The following SH3BP2 variants were observed in gnomAD, a reference collection of about 807,000 sequenced individuals.
SH3BP2 encodes SH3 domain-binding protein 2.
Under a neutral mutation model 56.2 loss-of-function variants are expected in SH3BP2, and 38 were observed. That is an observed-to-expected ratio of 0.68 (90% CI 0.52 to 0.89). The LOEUF is 0.89. Ranked by LOEUF, SH3BP2 falls within the 40% of genes least tolerant of loss-of-function variation. The pLI, the probability that SH3BP2 is intolerant of heterozygous loss-of-function variation, is 0.00. For synonymous variants in SH3BP2, 346 were observed against 316.7 expected (o/e 1.09, Z -0.98); for missense variants, 748 against 762.6 (o/e 0.98, Z 0.23).
At chr4:2,802,294 T>C (rs984672763) in intron 1 of SH3BP2, among the ~76,000 whole-genome samples, 10 of 151,920 alleles carry the variant, frequency 6.6e-5, no homozygotes, top group African/African-American at 2.4e-4. Context: ...TATAGGAGGC[T>C]GAGGCAGGAG....
chr4:2,826,268 T>C (rs889856009), intron 5 of SH3BP2: 2 of 130,648 alleles, frequency 1.5e-5, no homozygotes, highest in African/African-American at 2.6e-5. Flanking sequence ...CGCGTGTTGC[T>C]CTGTGTGTGT....
chr4:2,818,453 C>T, intron 1 of SH3BP2: 1 of 928,570 alleles, frequency 1.1e-6, no homozygotes, highest in Non-Finnish European at 1.4e-6. Flanking sequence ...GGCTCTGGAC[C>T]CCGCACCCCG....
At position 2,838,520 on chromosome 4, in the gene SH3BP2, T is replaced by C. The variant is rs955060148; in HGVS notation, c.*4686T>C. On this transcript the variant is annotated 3_prime_UTR_variant, in exon 13 of 13. Transcript: ENST00000503393. ...TTCCATTGTTTGGCTGTATCGTAGT[T>C]CACAGATTCATTTCACTGTCAGTCA... 1 of 152,244 alleles carries C rather than the reference T, an allele frequency of 6.6e-6. No homozygotes were observed. The highest frequency in any genetic ancestry group is 2.4e-5 in the African/African-American group (1 of 41,462). 9.4% of individuals were successfully genotyped at this position (152,244 alleles called of 1,614,324 possible). A position where few individuals can be genotyped will look rare whatever the true frequency, so the allele number is the denominator to read the frequency against.
chr4:2,801,319 C>T (rs546255938), intron 1 of SH3BP2, among the ~76,000 whole-genome samples: 48 of 152,312 alleles, frequency 3.2e-4, no homozygotes, highest in African/African-American at 1.1e-3. Flanking sequence ...CAGGAGCCAG[C>T]GGGCATGAGT....
chr4:2,826,604 CTGTGTT>C (rs1340611522), intron 5 of SH3BP2: 8 of 285,018 alleles, frequency 2.8e-5, no homozygotes, highest in South Asian at 8.0e-5. Context: ...GTGTGTTGCT[CTGTGTT>C]TGTGTGTGCA....
At chr4:2,795,992 C>G (rs1321680449) in intron 1 of SH3BP2, among the ~76,000 whole-genome samples, 1 of 152,118 alleles carries the variant, frequency 6.6e-6, no homozygotes, top group Non-Finnish European at 1.5e-5. Context: ...CACTGGCTGG[C>G]CCCCTTCCCT....
intron 2 of SH3BP2, among the ~76,000 whole-genome samples, chr4:2,821,831 C>A (rs1484543764): frequency 6.6e-6 from 1 of 152,130 alleles, no homozygotes; most frequent in African/African-American, 2.4e-5. Context: ...AGGTGTGAGC[C>A]ACCGCATCCA....
At chr4:2,818,127 G>GCGGGGC (rs1724084977) in intron 1 of SH3BP2, 1 of 729,258 alleles carries the variant, frequency 1.4e-6, no homozygotes, top group African/African-American at 1.9e-5. Context: ...GCGGCAGGGG[G>GCGGGGC]CGGGGCCGGG....
chr4:2,822,301 G>A (rs569669589), intron 2 of SH3BP2, among the ~76,000 whole-genome samples: 3 of 152,212 alleles, frequency 2.0e-5, no homozygotes, highest in Non-Finnish European at 4.4e-5. Context: ...AACTACAGAT[G>A]TATGCCACCG....
Position 2,833,795 on chromosome 4 carries a change from G to A in SH3BP2, c.1647G>A (p.Leu549=), listed in dbSNP as rs547700606. 6.3e-6 allele frequency: 10 copies of A among 1,593,086 alleles called. No individual in the cohort carries two copies. In the African/African-American group the frequency reaches 1.1e-4, roughly 17 times the overall value. ...HTHVLPSHQS[L]LLRHPYGYTG... ...ACGTGCTGCCCAGCCACCAGAGCCT[G>A]CTGCTGCGGCACCCCTACGGCTACA... The change falls in exon 13 of 13, where the codon CTG becomes CTA. Residue 549 remains leucine (L), a synonymous_variant. Transcript: ENST00000503393.
intron 1 of SH3BP2, chr4:2,812,262 G>C (rs1723779091): frequency 3.9e-6 from 6 of 1,537,518 alleles, no homozygotes; most frequent in Middle Eastern, 2.2e-4. Flanking sequence ...GTCCCGGGTG[G>C]GGAGGAAGCA....
At chr4:2,827,795 C>A in intron 7 of SH3BP2, 121 bp downstream of exon 7, 1 of 796,074 alleles carries the variant, frequency 1.3e-6, no homozygotes, top group Admixed American at 2.0e-5. Context: ...GTGGCTTCCG[C>A]TTCCCTGCTG....
chr4:2,804,335 G>C (rs1723442954), intron 1 of SH3BP2, among the ~76,000 whole-genome samples: 1 of 152,204 alleles, frequency 6.6e-6, no homozygotes, highest in Admixed American at 6.5e-5. Flanking sequence ...CTGGAGCTCT[G>C]CTTCTTTGCC....
At chr4:2,833,085 G>A (rs752875059) in intron 12 of SH3BP2, 36 bp downstream of exon 12, 65 of 1,589,166 alleles carry the variant, frequency 4.1e-5, no homozygotes, top group Middle Eastern at 3.3e-4. Context: ...GACCCTGGCC[G>A]CATGGCCTGG....
At position 2,831,527 on chromosome 4, in the gene SH3BP2, TCTGACAGTG is replaced by T. The variant is rs767025884; in HGVS notation, c.1242-43_1242-35del. 6.8e-6 allele frequency: 10 copies of T among 1,467,738 alleles called. No individual in the cohort carries two copies. The highest frequency in any genetic ancestry group is 9.3e-6 in the Non-Finnish European group (10 of 1,070,494). 90.9% of individuals were successfully genotyped at this position (1,467,738 alleles called of 1,614,324 possible). On this transcript the variant is annotated intron_variant, in intron 8 of 12. Transcript: ENST00000503393. This position sits in a 1 kb window ranked among gnomAD's most constrained non-coding sequence, Gnocchi z 4.1. Reference sequence around the variant, plus strand: ...GGGAGCAGAGGGTGGCCGCCCCGTGTCTGACAGTGAAATGGTCCTGCCTTCCTCTCCCTG... The same window carrying T: ...GGGAGCAGAGGGTGGCCGCCCCGTGTAAATGGTCCTGCCTTCCTCTCCCTG...
At position 2,829,921 on chromosome 4, in the gene SH3BP2, C is replaced by T; in HGVS notation, c.1015C>T (p.Leu339=). The T allele has an allele frequency of 6.2e-7, 1 of 1,613,788 alleles. No homozygotes were observed. Among genetic ancestry groups the T allele is most frequent in the South Asian group, 1.1e-5 (1 of 91,088 alleles). ...CTGTGACAAACTCAAGTCCTTCCACCTGTCCCCCCGAGGACCACCCACATC... is the reference window on the plus strand; with the variant it reads ...CTGTGACAAACTCAAGTCCTTCCACTTGTCCCCCCGAGGACCACCCACATC... ...RNCDKLKSFH[L]SPRGPPTSEP... The change falls in exon 8 of 13, where the codon CTG becomes TTG. Residue 339 remains leucine, a synonymous_variant. Coordinates refer to ENST00000503393, the MANE Select transcript of SH3BP2 (RefSeq NM_001122681.2). The surrounding 1 kb of genome is among the most constrained non-coding windows in gnomAD (Gnocchi z 4.9).
At chr4:2,832,093 C>T (rs763818532) in intron 10 of SH3BP2, 115 bp downstream of exon 10, 124 of 1,168,970 alleles carry the variant, frequency 1.1e-4, no homozygotes, top group East Asian at 1.2e-4. Flanking sequence ...CATGGCCCTG[C>T]GTGCAGCAGA....
At chr4:2,827,738 G>A (rs1724753640) in intron 7 of SH3BP2, 64 bp downstream of exon 7, 2 of 1,385,636 alleles carry the variant, frequency 1.4e-6, no homozygotes, top group Admixed American at 2.0e-5. Context: ...GGGACCGGGA[G>A]CAGAGCCCCT....
intron 1 of SH3BP2, chr4:2,812,266 GGAAGCACCGGCGGCCACAGGCCTCA>G: frequency 6.5e-7 from 1 of 1,538,710 alleles, no homozygotes; most frequent in Non-Finnish European, 8.8e-7. Context: ...CGGGTGGGGA[GGAAGCACCGGCGGCCACAGGCCTCA>G]GAAGCAGCAG....
Sources: allele counts gnomAD v4.1 joint callset (sites outside exome capture counted in the v4.1 genomes callset), GRCh38; gene constraint gnomAD v4.1.1; non-coding constraint Gnocchi (gnomAD v3.1); transcripts MANE v1.5; gene names NCBI Gene and HGNC (gene_info 2026-07-23, HGNC 2026-07-21).